The following MANSC1 variants were observed in gnomAD, a reference collection of about 807,000 sequenced individuals.
MANSC1 encodes the protein MANSC domain containing 1.
Under a neutral mutation model 14.1 loss-of-function variants are expected in MANSC1, and 13 were observed. The ratio of observed to expected loss-of-function variants is 0.92; its 90% CI spans 0.60 to 1.46. The LOEUF (loss-of-function observed/expected upper bound fraction) is 1.46. Among genes scored for constraint, MANSC1 ranks in the 40% most tolerant of loss-of-function variants. The pLI is 0.00. For synonymous variants in MANSC1, 227 were observed against 200.7 expected (o/e 1.13, Z -1.11); for missense variants, 486 against 511.4 (o/e 0.95, Z 0.48).
At chr12:12,340,994 A>G (rs1018629436) in intron 2 of MANSC1, among the ~76,000 whole-genome samples, 6 of 152,154 alleles carry the variant, frequency 3.9e-5, no homozygotes, top group African/African-American at 1.4e-4. Flanking sequence ...ACCATTTTGC[A>G]GCAATAACCA....
In MANSC1 at chr12:12,326,497, G is replaced by A. The variant is rs1209226391; in HGVS notation, c.*3530C>T. 6.6e-6 allele frequency: 1 copy of A among 152,224 alleles called. No individual in the cohort carries two copies. Among genetic ancestry groups the A allele is most frequent in the African/African-American group, 2.4e-5 (1 of 41,418 alleles). 9.4% of individuals were successfully genotyped at this position (152,224 alleles called of 1,614,324 possible). On this transcript the variant is annotated 3_prime_UTR_variant, in exon 4 of 4. Coordinates refer to ENST00000535902, the MANE Select transcript of MANSC1 (RefSeq NM_018050.4). Reference sequence around the variant, plus strand: ...GACCGGTAGTGCCCACCACAGTCTGGGAGCCAAAGAGTTCCAAAAGTTCCT... The same window carrying A: ...GACCGGTAGTGCCCACCACAGTCTGAGAGCCAAAGAGTTCCAAAAGTTCCT...
At chr12:12,335,093 A>T (rs1296489928) in intron 3 of MANSC1, among the ~76,000 whole-genome samples, 1 of 152,160 alleles carries the variant, frequency 6.6e-6, no homozygotes, top group Non-Finnish European at 1.5e-5. Flanking sequence ...TGCTCAAGGC[A>T]AAAACTAGGA....
At chr12:12,332,602 C>T (rs1215344284) in intron 3 of MANSC1, among the ~76,000 whole-genome samples, 4 of 152,098 alleles carry the variant, frequency 2.6e-5, no homozygotes, top group Non-Finnish European at 4.4e-5. Context: ...CTCACTGCAA[C>T]CTCTGCCTTC....
chr12:12,338,412 T>G lies in MANSC1; in HGVS notation c.364+8A>C, dbSNP rs1862886095. On this transcript the variant is annotated splice_region_variant and intron_variant, in intron 3 of 3. Coordinates refer to ENST00000535902, the MANE Select transcript of MANSC1 (RefSeq NM_018050.4). Reference sequence around the variant, plus strand: ...ATCACAAAAGAAAAAGTATAATGCTTTCATTACCTGTAATTATCCTGTAAC... The same window carrying G: ...ATCACAAAAGAAAAAGTATAATGCTGTCATTACCTGTAATTATCCTGTAAC... The G allele has an allele frequency of 6.3e-7, 1 of 1,580,178 alleles. No individual in the cohort carries two copies.
At chr12:12,344,968 T>TA (rs71061046) in intron 1 of MANSC1, among the ~76,000 whole-genome samples, 28 of 104,428 alleles carry the variant, frequency 2.7e-4, no homozygotes, top group South Asian at 3.3e-4. Flanking sequence ...TATATATATA[T>TA]TACACTAGTT....
intron 3 of MANSC1, among the ~76,000 whole-genome samples, chr12:12,333,859 A>T (rs890082745): frequency 4.6e-5 from 7 of 152,214 alleles, no homozygotes; most frequent in African/African-American, 1.7e-4. Context: ...CAACAACAAT[A>T]AAAGATTAAA....
At chr12:12,341,962 G>C (rs527826600) in intron 2 of MANSC1, among the ~76,000 whole-genome samples, 3 of 121,086 alleles carry the variant, frequency 2.5e-5, no homozygotes, top group African/African-American at 9.1e-5. Flanking sequence ...ACTGCGCTCC[G>C]TCCGGCCTGG....
At position 12,327,103 on chromosome 12, in the gene MANSC1, C is replaced by A. The variant is rs1353907345; in HGVS notation, c.*2924G>T. The stretch of plus-strand genomic sequence containing the variant: ...GGGATTACAGGCGTGAGCCACCACG[C>A]CTGGCCAAGAGTAGCTTTTTAACCT... On this transcript the variant is annotated 3_prime_UTR_variant, in exon 4 of 4. Transcript: ENST00000535902. 2 of 152,452 alleles carry A rather than the reference C, an allele frequency of 1.3e-5. No homozygotes were observed. Among genetic ancestry groups the A allele is most frequent in the African/African-American group, 4.8e-5 (2 of 41,470 alleles). 9.4% of individuals were successfully genotyped at this position (152,452 alleles called of 1,614,324 possible).
At chr12:12,347,999 G>C (rs1026205149) in intron 1 of MANSC1, among the ~76,000 whole-genome samples, 5 of 152,088 alleles carry the variant, frequency 3.3e-5, no homozygotes, top group African/African-American at 1.2e-4. Flanking sequence ...GGACGTGGAG[G>C]TTGCAGTGAG....
chr12:12,339,829 T>A (rs1360235231), intron 2 of MANSC1, among the ~76,000 whole-genome samples: 1 of 152,128 alleles, frequency 6.6e-6, no homozygotes. Flanking sequence ...CTTTTCTTTT[T>A]TGAGTCAGGG....
chr12:12,342,735 CT>C (rs2135996032), intron 2 of MANSC1, among the ~76,000 whole-genome samples: 1 of 152,200 alleles, frequency 6.6e-6, no homozygotes, highest in African/African-American at 2.4e-5. Flanking sequence ...CCCCTTTTCT[CT>C]GTTTACATTT....
intron 1 of MANSC1, among the ~76,000 whole-genome samples, chr12:12,347,014 G>A (rs965109546): frequency 1.3e-5 from 2 of 151,530 alleles, no homozygotes; most frequent in African/African-American, 4.9e-5. Flanking sequence ...ATCTGATAAA[G>A]CAGCAGTCCA....
intron 1 of MANSC1, among the ~76,000 whole-genome samples, chr12:12,349,571 A>T (rs1863051029): frequency 6.6e-6 from 1 of 152,146 alleles, no homozygotes; most frequent in Admixed American, 6.5e-5. Flanking sequence ...GTGAGAGAGG[A>T]TGCCCCTGAG....
chr12:12,343,531 G>C (rs1862965859), intron 1 of MANSC1, 117 bp from the exon 2 acceptor site: 1 of 513,944 alleles, frequency 1.9e-6, no homozygotes. Flanking sequence ...GAGAAGAAAA[G>C]ATACACGTAT....
rs997578116 is a variant in MANSC1 at position 12,342,367 on chromosome 12, G to A, written c.223+725C>T. Among the ~76,000 whole-genome samples, 10 of 152,178 alleles carry A rather than the reference G, an allele frequency of 6.6e-5. No homozygotes were observed. In the South Asian group the frequency reaches 1.5e-3, roughly 22 times the overall value. ...TTAGTTTTTTTCATTTAGAGAACTC[G>A]GACAGGGTCATAAGTAAAATTGAAA... On this transcript the variant is annotated intron_variant, in intron 2 of 3. Transcript: ENST00000535902.
Position 12,327,103 on chromosome 12 carries a change from C to T in MANSC1, c.*2924G>A, listed in dbSNP as rs1353907345. 6.6e-6 allele frequency: 1 copy of T among 152,452 alleles called. No homozygotes were observed. Among genetic ancestry groups the T allele is most frequent in the South Asian group, 2.1e-4 (1 of 4,836 alleles). 9.4% of individuals were successfully genotyped at this position (152,452 alleles called of 1,614,324 possible). ...GGGATTACAGGCGTGAGCCACCACGCCTGGCCAAGAGTAGCTTTTTAACCT... is the reference window on the plus strand; with the variant it reads ...GGGATTACAGGCGTGAGCCACCACGTCTGGCCAAGAGTAGCTTTTTAACCT... On this transcript the variant is annotated 3_prime_UTR_variant, in exon 4 of 4. Coordinates refer to ENST00000535902, the MANE Select transcript of MANSC1 (RefSeq NM_018050.4).
In MANSC1 at chr12:12,329,942, CCTG is replaced by C. The variant is rs75178532; in HGVS notation, c.*82_*84del. On this transcript the variant is annotated 3_prime_UTR_variant, in exon 4 of 4. Coordinates refer to ENST00000535902, the MANE Select transcript of MANSC1 (RefSeq NM_018050.4). ...TTTTCCTGTCTTCAAAATACAACCT[CCTG>C]CTAAGACTAGCAAGTCAGCAGAAAC... is the stretch of plus-strand genomic sequence containing the variant. 129,672 of 1,159,648 alleles carry C rather than the reference CCTG, an allele frequency of 0.11. 7,433 individuals carry two copies. The highest frequency in any genetic ancestry group is 0.13 in the East Asian group (5,321 of 42,040). The allele number at this position is 1,159,648 out of a possible 1,614,324, so 71.8% of individuals were successfully genotyped here. A position where few individuals can be genotyped will look rare whatever the true frequency, so the allele number is the denominator to read the frequency against.
intron 2 of MANSC1, among the ~76,000 whole-genome samples, chr12:12,340,416 G>C (rs1262522604): frequency 6.6e-6 from 1 of 152,154 alleles, no homozygotes; most frequent in Non-Finnish European, 1.5e-5. Flanking sequence ...CCATTACTCA[G>C]ATAATAACAG....
chr12:12,339,878 T>C (rs904373913), intron 2 of MANSC1, among the ~76,000 whole-genome samples: 3 of 151,920 alleles, frequency 2.0e-5, no homozygotes, highest in Non-Finnish European at 4.4e-5. Context: ...AGTGGAACAA[T>C]CATGGCTCAC....
Sources: gnomAD v4.1 joint callset for allele counts (sites outside exome capture counted in the v4.1 genomes callset) on GRCh38, gnomAD v4.1.1 for gene constraint, MANE v1.5 for transcripts, NCBI Gene and HGNC (gene_info 2026-07-23, HGNC 2026-07-21) for gene names.